The following STPG2 variants were observed in gnomAD, a reference collection of about 807,000 sequenced individuals.
STPG2 encodes the protein sperm tail PG-rich repeat containing 2, also known as sperm-tail PG-rich repeat-containing protein 2.
Under a neutral mutation model 54.2 loss-of-function variants are expected in STPG2, and 56 were observed. The ratio of observed to expected loss-of-function variants is 1.03; its 90% CI spans 0.83 to 1.29. The LOEUF is 1.29. Ranked by LOEUF, STPG2 falls within the 50% of genes most tolerant of loss-of-function variation. The pLI is 0.00. For missense variants in STPG2, 596 were observed against 544.9 expected (o/e 1.09, Z -0.93); for synonymous variants, 200 against 181.8 (o/e 1.10, Z -0.81).
intron 10 of STPG2, among the ~76,000 whole-genome samples, chr4:97,579,169 G>A (rs1202115549): frequency 6.6e-6 from 1 of 152,008 alleles, no homozygotes; most frequent in Non-Finnish European, 1.5e-5. Context: ...ATAATCATTA[G>A]TTATGGCTAT....
At chr4:98,028,994 C>T (rs1736511914) in intron 5 of STPG2, among the ~76,000 whole-genome samples, 1 of 151,770 alleles carries the variant, frequency 6.6e-6, no homozygotes, top group African/African-American at 2.4e-5. Context: ...AATAATTTTC[C>T]AGACATTTTT....
In STPG2 at chr4:97,987,972, C is replaced by A. The variant is rs1232929752; in HGVS notation, c.613-6654G>T. The stretch of plus-strand genomic sequence containing the variant: ...TGTATCACTCCGCTTCTCAAACCCA[C>A]CCAGTGGTTGCCAATCTCAGAACAT... On this transcript the variant is annotated intron_variant, in intron 5 of 10. Transcript: ENST00000295268. Among the ~76,000 whole-genome samples, 2 of 151,840 alleles carry A rather than the reference C, an allele frequency of 1.3e-5. 1 individual carries two copies. The highest frequency in any genetic ancestry group is 4.2e-4 in the South Asian group (2 of 4,810).
intron 8 of STPG2, among the ~76,000 whole-genome samples, chr4:97,933,001 C>A (rs541895378): frequency 6.6e-6 from 1 of 152,206 alleles, no homozygotes; most frequent in African/African-American, 2.4e-5. Context: ...AAAAGTGTTC[C>A]TATTTCTCCA....
At chr4:97,524,237 T>C (rs1179579887) in intron 4 of STPG2, among the ~76,000 whole-genome samples, 2 of 151,990 alleles carry the variant, frequency 1.3e-5, no homozygotes, top group Non-Finnish European at 2.9e-5. Flanking sequence ...GTCCAACTTA[T>C]AATTTTTACT....
intron 5 of STPG2, among the ~76,000 whole-genome samples, chr4:98,074,952 T>C (rs1235620612): frequency 7.9e-6 from 1 of 126,444 alleles, no homozygotes; most frequent in Non-Finnish European, 1.8e-5. Context: ...GAAAAAAATA[T>C]AAACTCTGAA....
chr4:97,541,201 G>T (rs1289722879), intron 4 of STPG2, among the ~76,000 whole-genome samples: 4 of 152,114 alleles, frequency 2.6e-5, no homozygotes, highest in East Asian at 3.9e-4. Context: ...CAGATGACAT[G>T]ATTGTATATC....
chr4:98,063,322 G>T (rs769283422), intron 5 of STPG2, among the ~76,000 whole-genome samples: 1 of 151,950 alleles, frequency 6.6e-6, no homozygotes, highest in Non-Finnish European at 1.5e-5. Context: ...GGTGGCACAT[G>T]CCTGTAGTCC....
intron 4 of STPG2, among the ~76,000 whole-genome samples, chr4:97,455,732 A>G (rs1729500105): frequency 6.6e-6 from 1 of 152,214 alleles, no homozygotes. Context: ...GCAATGAGGC[A>G]GAGGGTCTAA....
chr4:97,970,085 A>G (rs555478661), intron 7 of STPG2, among the ~76,000 whole-genome samples: 1 of 152,334 alleles, frequency 6.6e-6, no homozygotes, highest in East Asian at 1.9e-4. Context: ...TAAAATACCT[A>G]GGAATCCAAC....
At chr4:98,063,373 C>T (rs1385505534) in intron 5 of STPG2, among the ~76,000 whole-genome samples, 3 of 151,794 alleles carry the variant, frequency 2.0e-5, no homozygotes, top group Admixed American at 6.6e-5. Context: ...TGCTGGAACA[C>T]GGGAGGTGGA....
chr4:97,874,379 A>G (rs1242720917), intron 8 of STPG2, among the ~76,000 whole-genome samples: 2 of 151,760 alleles, frequency 1.3e-5, no homozygotes, highest in Admixed American at 6.6e-5. Flanking sequence ...TAATTGACAT[A>G]CAGTAAACTT....
chr4:97,864,847 T>G (rs1430223837), intron 8 of STPG2, among the ~76,000 whole-genome samples: 1 of 152,092 alleles, frequency 6.6e-6, no homozygotes, highest in Non-Finnish European at 1.5e-5. Context: ...AGGGAAAGGA[T>G]TCCCTATTCA....
Position 98,116,816 on chromosome 4 carries a change from C to T in STPG2, c.388-7511G>A, listed in dbSNP as rs138579955. Among the ~76,000 whole-genome samples, 201 of 151,936 alleles carry T rather than the reference C, an allele frequency of 1.3e-3. 1 individual carries two copies. The highest frequency in any genetic ancestry group is 2.2e-3 in the Non-Finnish European group (149 of 67,826). On this transcript the variant is annotated intron_variant, in intron 3 of 10. Coordinates refer to ENST00000295268, the MANE Select transcript of STPG2 (RefSeq NM_174952.3). Reference sequence around the variant, plus strand: ...TATGGTTAGAAAAGGAAACATGTAACTTATATTATCCTTACTTTTCATGTT... The same window carrying T: ...TATGGTTAGAAAAGGAAACATGTAATTTATATTATCCTTACTTTTCATGTT...
chr4:97,825,953 G>T (rs1728246288), intron 9 of STPG2, among the ~76,000 whole-genome samples: 1 of 152,122 alleles, frequency 6.6e-6, no homozygotes, highest in Admixed American at 6.6e-5. Context: ...ATGCTTTAGG[G>T]TCATAAACTG....
chr4:97,609,532 G>A (rs1733682595), intron 10 of STPG2, among the ~76,000 whole-genome samples: 1 of 151,906 alleles, frequency 6.6e-6, no homozygotes, highest in African/African-American at 2.4e-5. Flanking sequence ...AACATCCTGA[G>A]CATATCAGTG....
chr4:97,583,863 C>T (rs920544834), intron 10 of STPG2, among the ~76,000 whole-genome samples: 1 of 151,660 alleles, frequency 6.6e-6, no homozygotes, highest in Non-Finnish European at 1.5e-5. Context: ...CATGGGAGCT[C>T]CCAAATTTAT....
intron 3 of STPG2, among the ~76,000 whole-genome samples, chr4:98,121,813 C>A (rs1271625279): frequency 6.6e-6 from 1 of 152,066 alleles, no homozygotes; most frequent in Non-Finnish European, 1.5e-5. Context: ...CTTCCACCTC[C>A]AGGGTTCAAG....
At chr4:97,695,812 C>T (rs6532689) in intron 10 of STPG2, among the ~76,000 whole-genome samples, 2 of 151,182 alleles carry the variant, frequency 1.3e-5, no homozygotes, top group East Asian at 3.9e-4. Context: ...AAGTGAAAGA[C>T]TTCTGCAAGG....
At chr4:97,764,867 T>C (rs888614964) in intron 9 of STPG2, among the ~76,000 whole-genome samples, 2 of 152,138 alleles carry the variant, frequency 1.3e-5, no homozygotes, top group Non-Finnish European at 2.9e-5. Context: ...AGCATTACTT[T>C]CTTTTTCTTT....
Sources: gnomAD v4.1 joint callset for allele counts (sites outside exome capture counted in the v4.1 genomes callset) on GRCh38, gnomAD v4.1.1 for gene constraint, MANE v1.5 for transcripts, NCBI Gene and HGNC (gene_info 2026-07-23, HGNC 2026-07-21) for gene names.